Variants in CLVS2 observed in about 807,000 individuals in gnomAD.
The protein encoded by CLVS2 is clavesin-2.
CLVS2 carries 19 observed loss-of-function variants against 29.0 expected under a neutral mutation model. The observed-to-expected ratio is 0.66, with a 90% CI of 0.46 to 0.96. The LOEUF (loss-of-function observed/expected upper bound fraction) is 0.96, where lower values mean the gene tolerates loss of function less well. Among genes scored for constraint, CLVS2 ranks in the 40% least tolerant of loss-of-function variants. The pLI is 0.00. For synonymous variants in CLVS2, 161 were observed against 151.3 expected, an observed-to-expected ratio of 1.06 and a Z score of -0.47; for missense variants, 294 against 404.1, an observed-to-expected ratio of 0.73 and a Z score of 2.34.
At chr6:123,055,547 T>C (rs1330567180) in intron 4 of CLVS2, among the ~76,000 whole-genome samples, 1 of 152,204 alleles carries the variant, frequency 6.6e-6, no homozygotes, top group Non-Finnish European at 1.5e-5. Flanking sequence ...AAATTTGTGG[T>C]TGCAGCTCTT....
chr6:123,009,572 G>A (rs1277374790), intron 2 of CLVS2, among the ~76,000 whole-genome samples: 3 of 151,678 alleles, frequency 2.0e-5, no homozygotes, highest in Admixed American at 6.6e-5. Context: ...CCTTCCTAAC[G>A]AACTCATCAT....
intron 3 of CLVS2, among the ~76,000 whole-genome samples, chr6:123,040,227 G>A (rs1439988305): frequency 6.6e-6 from 1 of 152,154 alleles, no homozygotes; most frequent in Admixed American, 6.5e-5. Context: ...CATGTCAGAG[G>A]CCCTGTGCAT....
intron 3 of CLVS2, among the ~76,000 whole-genome samples, chr6:123,041,697 T>C (rs893574335): frequency 9.2e-5 from 14 of 152,174 alleles, no homozygotes; most frequent in Non-Finnish European, 1.5e-5. Flanking sequence ...TGCCTTTGGA[T>C]AGAGCATATT....
At chr6:123,039,304 A>C (rs1775196834) in intron 3 of CLVS2, among the ~76,000 whole-genome samples, 2 of 152,182 alleles carry the variant, frequency 1.3e-5, no homozygotes, top group African/African-American at 2.4e-5. Context: ...TAATAGTATG[A>C]CCTTTTTGCT....
At position 122,997,676 on chromosome 6, in the gene CLVS2, G is replaced by T. The variant is rs1774530620; in HGVS notation, c.-102G>T. ...TCCTGTAGGGGAGAGGAAGCAGGCA[G>T]CAGGAGGTCTGGGGGCTGGAGTCTG... On this transcript the variant is annotated 5_prime_UTR_variant, in exon 2 of 6. Transcript: ENST00000275162. 4 of 1,104,262 alleles carry T rather than the reference G, an allele frequency of 3.6e-6. No individual in the cohort carries two copies. The highest frequency in any genetic ancestry group is 1.6e-5 in the African/African-American group (1 of 63,726). The allele number at this position is 1,104,262 out of a possible 1,614,324, so 68.4% of individuals were successfully genotyped here.
At chr6:123,007,490 C>T (rs1258515044) in intron 2 of CLVS2, among the ~76,000 whole-genome samples, 1 of 152,092 alleles carries the variant, frequency 6.6e-6, no homozygotes, top group African/African-American at 2.4e-5. Context: ...GAATATATAT[C>T]CTACTGTGCA....
chr6:123,016,526 T>A (rs1355814668), intron 3 of CLVS2, among the ~76,000 whole-genome samples: 1 of 152,042 alleles, frequency 6.6e-6, no homozygotes, highest in Middle Eastern at 3.2e-3. Flanking sequence ...TCTGCCCTAC[T>A]GGGTCTCTGT....
At chr6:123,057,308 T>C in intron 5 of CLVS2, among the ~76,000 whole-genome samples, 1 of 151,042 alleles carries the variant, frequency 6.6e-6, no homozygotes, top group East Asian at 2.0e-4. Context: ...CATGGAGTAA[T>C]GTGCCTGTTC....
At chr6:123,024,727 G>T (rs1774975990) in intron 3 of CLVS2, among the ~76,000 whole-genome samples, 2 of 152,174 alleles carry the variant, frequency 1.3e-5, no homozygotes, top group African/African-American at 2.4e-5. Flanking sequence ...GCGATAATAA[G>T]ATTTGGAAAT....
rs116712075 is a variant in CLVS2 at position 123,002,774 on chromosome 6, A to T, written c.389+4608A>T. On this transcript the variant is annotated intron_variant, in intron 2 of 5. Transcript: ENST00000275162. ...TTCTCAGTTTATTAACATATTAAAT[A>T]ATTCCCAGCTTTTTGCTTCACATTG... 5.7e-3 allele frequency among the ~76,000 whole-genome samples: 873 copies of T among 152,308 alleles called. 9 individuals are homozygous for T. Among genetic ancestry groups the T allele is most frequent in the African/African-American group, 0.02 (830 of 41,542 alleles).
intron 2 of CLVS2, among the ~76,000 whole-genome samples, chr6:123,002,862 C>T (rs1774610891): frequency 1.3e-5 from 2 of 152,188 alleles, no homozygotes; most frequent in Admixed American, 1.3e-4. Flanking sequence ...GGAGGCATGG[C>T]TTTGCCATCT....
intron 4 of CLVS2, among the ~76,000 whole-genome samples, chr6:123,050,275 A>T (rs1772585993): frequency 6.6e-6 from 1 of 152,228 alleles, no homozygotes. Context: ...CAAGTGATCC[A>T]AAAAACCTGC....
chr6:123,041,671 G>T (rs952147690), intron 3 of CLVS2, among the ~76,000 whole-genome samples: 2 of 152,040 alleles, frequency 1.3e-5, no homozygotes, highest in Admixed American at 6.6e-5. Context: ...AATAGTAATG[G>T]CAGAAAGGAT....
chr6:123,052,697 G>C (rs994277593), intron 4 of CLVS2, among the ~76,000 whole-genome samples: 1 of 152,172 alleles, frequency 6.6e-6, no homozygotes, highest in Non-Finnish European at 1.5e-5. Context: ...GGGGAGTAAA[G>C]GGCTGAGTTG....
At chr6:123,052,001 A>G (rs1435320273) in intron 4 of CLVS2, among the ~76,000 whole-genome samples, 1 of 152,250 alleles carries the variant, frequency 6.6e-6, no homozygotes, top group Non-Finnish European at 1.5e-5. Flanking sequence ...ATTCACATGT[A>G]AGAGTTCTAA....
At chr6:123,010,851 G>A in intron 2 of CLVS2, 134 bp from the exon 3 acceptor site, 1 of 524,350 alleles carries the variant, frequency 1.9e-6, no homozygotes, top group Non-Finnish European at 3.2e-6. Flanking sequence ...CCTAAAATAG[G>A]TTTTTAAACA....
At chr6:123,056,701 C>A (rs577075198) in intron 5 of CLVS2, among the ~76,000 whole-genome samples, 23 of 152,144 alleles carry the variant, frequency 1.5e-4, no homozygotes, top group African/African-American at 5.5e-4. Flanking sequence ...AGAGAGAGTG[C>A]CCATTTCCAC....
chr6:123,058,439 T>C (rs1025029696), intron 5 of CLVS2, among the ~76,000 whole-genome samples: 1 of 152,178 alleles, frequency 6.6e-6, no homozygotes, highest in Non-Finnish European at 1.5e-5. Context: ...TGATTCCTCA[T>C]GTGGCCCATC....
chr6:123,043,149 T>A (rs1215024078), intron 3 of CLVS2, among the ~76,000 whole-genome samples: 1 of 152,190 alleles, frequency 6.6e-6, no homozygotes, highest in Non-Finnish European at 1.5e-5. Context: ...ACTATTATCA[T>A]AATTCCAGAC....
Sources: allele counts gnomAD v4.1 joint callset (sites outside exome capture counted in the v4.1 genomes callset), GRCh38; gene constraint gnomAD v4.1.1; transcripts MANE v1.5; gene names NCBI Gene and HGNC (gene_info 2026-07-23, HGNC 2026-07-21).